BRINP1: variants seen among roughly 807,000 people sequenced by gnomAD.
BRINP1 encodes the protein BMP/retinoic acid inducible neural specific 1.
BRINP1 carries 17 observed loss-of-function variants against 72.9 expected under a neutral mutation model. The observed-to-expected ratio is 0.23, with a 90% confidence interval of 0.16 to 0.35. The LOEUF (loss-of-function observed/expected upper bound fraction) is 0.35. Ranked by LOEUF, BRINP1 falls within the 10% of genes least tolerant of loss-of-function variation. BRINP1 has a pLI of 1.00. For synonymous variants in BRINP1, 418 were observed against 378.5 expected (o/e 1.10, Z -1.21); for missense variants, 850 against 1,001.6 (o/e 0.85, Z 2.04).
chr9:119,325,022 C>T (rs1476416517), intron 1 of BRINP1, among the ~76,000 whole-genome samples: 1 of 151,896 alleles, frequency 6.6e-6, no homozygotes, highest in East Asian at 1.9e-4. Flanking sequence ...ATTGCTTGAA[C>T]CAGGGAGGCG....
At chr9:119,350,893 T>A (rs796915573) in intron 1 of BRINP1, among the ~76,000 whole-genome samples, 19 of 150,558 alleles carry the variant, frequency 1.3e-4, no homozygotes, top group African/African-American at 4.7e-4. Flanking sequence ...ACCACAAGTG[T>A]ATTTATGTCT....
chr9:119,285,119 C>T (rs896202907), intron 2 of BRINP1, among the ~76,000 whole-genome samples: 2 of 151,394 alleles, frequency 1.3e-5, no homozygotes, highest in African/African-American at 4.9e-5. Context: ...TTCCCAAGGC[C>T]TTCTGCTCAG....
chr9:119,239,038 G>C (rs1305268537), intron 4 of BRINP1, among the ~76,000 whole-genome samples: 1 of 152,158 alleles, frequency 6.6e-6, no homozygotes, highest in African/African-American at 2.4e-5. Context: ...CTTAGAAGTT[G>C]ACACATTATA....
rs1056495937 is a variant in BRINP1, at chr9:119,174,120, TC to T, written c.1146-5897del. 4.7e-5 allele frequency among the ~76,000 whole-genome samples: 7 copies of T among 147,606 alleles called. No individual in the cohort carries two copies. The South Asian group carries it at 8.6e-4, about 18-fold the overall frequency. On this transcript the variant is annotated intron_variant, in intron 7 of 7. Transcript: ENST00000265922. Reference sequence around the variant, plus strand: ...CTGAAGACAAAATTGACAAATGGGATCTAATTAAACTAAAGAGCTTCTGCAC... The same window carrying T: ...CTGAAGACAAAATTGACAAATGGGATTAATTAAACTAAAGAGCTTCTGCAC...
At chr9:119,180,617 A>G (rs1219401565) in intron 7 of BRINP1, among the ~76,000 whole-genome samples, 1 of 152,258 alleles carries the variant, frequency 6.6e-6, no homozygotes, top group South Asian at 2.1e-4. Flanking sequence ...TGGATGTGCT[A>G]GTATGAATTA....
chr9:119,226,439 G>T (rs1295531399), intron 5 of BRINP1, among the ~76,000 whole-genome samples: 1 of 151,928 alleles, frequency 6.6e-6, no homozygotes, highest in Non-Finnish European at 1.5e-5. Context: ...TATTTGAATG[G>T]TATAGCCCCA....
Position 119,240,742 on chromosome 9 carries a change from C to T in BRINP1, c.579+1305G>A, listed in dbSNP as rs1018482248. ...CTTACTACCTCCCTGCTCAGTAACT[C>T]TCTCCCTCCCACACTTTTCTCTCTC... On this transcript the variant is annotated intron_variant, in intron 4 of 7. Transcript: ENST00000265922. Among the ~76,000 whole-genome samples, 13 of 152,296 alleles carry T rather than the reference C, an allele frequency of 8.5e-5. No homozygotes were observed. In the East Asian group the frequency reaches 2.5e-3, roughly 29 times the overall value.
At position 119,266,498 on chromosome 9, in the gene BRINP1, AT is replaced by A. The variant is rs947010088; in HGVS notation, c.219-17349del. On this transcript the variant is annotated intron_variant, in intron 2 of 7. Coordinates refer to ENST00000265922, the MANE Select transcript of BRINP1 (RefSeq NM_014618.3). ...ATACCCAAAACCTCGAATATTTAAC[AT>A]TTTTTTGTGATGAAAACATTTTTAA... 4.6e-5 allele frequency among the ~76,000 whole-genome samples: 7 copies of A among 152,304 alleles called. No individual in the cohort carries two copies. The East Asian group carries it at 5.8e-4, about 13-fold the overall frequency.
At chr9:119,209,047 A>G (rs113541429) in intron 6 of BRINP1, 106 bp from the exon 7 acceptor site, 11,594 of 920,356 alleles carry the variant, frequency 0.013, 97 homozygotes, top group Non-Finnish European at 0.017. Context: ...GCCTGCAAAC[A>G]TAATTTTTTT....
intron 1 of BRINP1, among the ~76,000 whole-genome samples, chr9:119,345,868 G>GT (rs976734952): frequency 5.9e-5 from 9 of 151,922 alleles, no homozygotes; most frequent in South Asian, 2.1e-4. Flanking sequence ...CTATGAGGTG[G>GT]TTTTTTTTGT....
chr9:119,361,456 C>T (rs1831627681), intron 1 of BRINP1, among the ~76,000 whole-genome samples: 1 of 152,138 alleles, frequency 6.6e-6, no homozygotes, highest in South Asian at 2.1e-4. Flanking sequence ...CTCACCACCA[C>T]TCAGCCACAC....
intron 1 of BRINP1, among the ~76,000 whole-genome samples, chr9:119,321,528 T>C (rs1831187594): frequency 6.6e-6 from 1 of 152,238 alleles, no homozygotes; most frequent in South Asian, 2.1e-4. Context: ...GGTCTCACTC[T>C]ATTTCCCAGG....
chr9:119,272,710 C>A (rs1341374664), intron 2 of BRINP1, among the ~76,000 whole-genome samples: 1 of 152,164 alleles, frequency 6.6e-6, no homozygotes, highest in Non-Finnish European at 1.5e-5. Context: ...GCAGCAGAAA[C>A]CATGAAAGAC....
At chr9:119,313,024 C>A (rs2118994817) in intron 2 of BRINP1, 114 bp downstream of exon 2, 3 of 1,223,286 alleles carry the variant, frequency 2.5e-6, no homozygotes, top group African/African-American at 1.5e-5. Context: ...GTGGAAGGAG[C>A]ACAGACCCTT....
intron 5 of BRINP1, among the ~76,000 whole-genome samples, chr9:119,232,555 T>C (rs11790264): frequency 2.0e-5 from 3 of 152,170 alleles, no homozygotes; most frequent in Non-Finnish European, 2.9e-5. Flanking sequence ...TTATTTATTG[T>C]CTGCTTTTGC....
chr9:119,264,650 A>T (rs1830530466), intron 2 of BRINP1, among the ~76,000 whole-genome samples: 1 of 152,160 alleles, frequency 6.6e-6, no homozygotes, highest in South Asian at 2.1e-4. Context: ...TTCAGAAACT[A>T]GCCACTATTG....
chr9:119,268,800 T>C (rs1018126719), intron 2 of BRINP1, among the ~76,000 whole-genome samples: 1 of 152,154 alleles, frequency 6.6e-6, no homozygotes, highest in Non-Finnish European at 1.5e-5. Context: ...ACTTAGTAGG[T>C]GCTCAATAAA....
chr9:119,333,878 T>G (rs532582924), intron 1 of BRINP1, among the ~76,000 whole-genome samples: 2 of 152,314 alleles, frequency 1.3e-5, no homozygotes, highest in East Asian at 3.9e-4. Context: ...ACAAACCATT[T>G]TCCATACCAA....
intron 7 of BRINP1, among the ~76,000 whole-genome samples, chr9:119,183,321 C>A (rs1829578062): frequency 6.6e-6 from 1 of 152,070 alleles, no homozygotes; most frequent in Non-Finnish European, 1.5e-5. Flanking sequence ...TGAGCCACAA[C>A]TACACAAAAC....
Sources: gnomAD v4.1 joint callset for allele counts (sites outside exome capture counted in the v4.1 genomes callset) on GRCh38, gnomAD v4.1.1 for gene constraint, MANE v1.5 for transcripts, NCBI Gene and HGNC (gene_info 2026-07-23, HGNC 2026-07-21) for gene names.